CTNNA3: variants seen among roughly 807,000 people sequenced by gnomAD.
CTNNA3 encodes the protein catenin alpha 3.
CTNNA3 carries 76 observed loss-of-function variants against 95.7 expected under a neutral mutation model. That is an observed-to-expected ratio of 0.79 (90% CI 0.66 to 0.96). The LOEUF is 0.96. CTNNA3 is among the 40% of genes least tolerant of loss of function. The pLI, the probability that CTNNA3 is intolerant of heterozygous loss-of-function variation, is 0.00. For synonymous variants in CTNNA3, 431 were observed against 374.4 expected (o/e 1.15, Z -1.74); for missense variants, 1,191 against 1,089.8 (o/e 1.09, Z -1.31).
At position 67,576,429 on chromosome 10, in the gene CTNNA3, C is replaced by A. The variant is rs190683070; in HGVS notation, c.292+30428G>T. Among the ~76,000 whole-genome samples, 17 of 152,064 alleles carry A rather than the reference C, an allele frequency of 1.1e-4. No individual in the cohort carries two copies. The East Asian group carries it at 2.9e-3, about 26-fold the overall frequency. ...ATAGTTGTTAATAGTTTTCCTTACC[C>A]CCTCTACTATAATTGTTGTATAAAA... On this transcript the variant is annotated intron_variant, in intron 3 of 17. Coordinates refer to ENST00000433211, the MANE Select transcript of CTNNA3 (RefSeq NM_013266.4).
rs1039622915 is a variant in CTNNA3 at position 66,254,247 on chromosome 10, A to G, written c.1884+26223T>C. Among the ~76,000 whole-genome samples the G allele has an allele frequency of 4.6e-5, 7 of 152,214 alleles. No individual in the cohort carries two copies. The South Asian group carries it at 1.4e-3, about 32-fold the overall frequency. ...TCCTTATCTGAGGAATTTAGAAGTA[A>G]TTTGACTTCCCTATTATCAAAAGCA... On this transcript the variant is annotated intron_variant, in intron 13 of 17. Coordinates refer to ENST00000433211, the MANE Select transcript of CTNNA3 (RefSeq NM_013266.4).
intron 11 of CTNNA3, among the ~76,000 whole-genome samples, chr10:66,496,518 C>T (rs370974605): frequency 7.2e-5 from 11 of 152,178 alleles, no homozygotes; most frequent in South Asian, 4.1e-4. Context: ...AAGATTCTTA[C>T]GCAATTTCAA....
rs1220464862 is a variant in CTNNA3, at chr10:66,784,026, G to A, written c.1048-8502C>T. 2.0e-5 allele frequency among the ~76,000 whole-genome samples: 3 copies of A among 152,176 alleles called. 1 individual carries two copies. The South Asian group carries it at 6.2e-4, about 32-fold the overall frequency. On this transcript the variant is annotated intron_variant, in intron 7 of 17. Coordinates refer to ENST00000433211, the MANE Select transcript of CTNNA3 (RefSeq NM_013266.4). ...GGCTATGGAAAGTCTATGAAACTTAGAACAGATAGACTTCCACGATTCTGG... is the reference window on the plus strand; with the variant it reads ...GGCTATGGAAAGTCTATGAAACTTAAAACAGATAGACTTCCACGATTCTGG...
intron 15 of CTNNA3, among the ~76,000 whole-genome samples, chr10:66,028,059 A>G (rs1292853092): frequency 6.6e-6 from 1 of 152,194 alleles, no homozygotes; most frequent in African/African-American, 2.4e-5. Context: ...TTTTACTTAT[A>G]CTTAAATATG....
rs200809148 is a variant in CTNNA3, at chr10:67,219,814, C to T, written c.636G>A (p.Lys212=). The change falls in exon 6 of 18, where the codon AAG becomes AAA. Residue 212 remains lysine, a synonymous_variant. Transcript: ENST00000433211. ...TTGAATGCAAGAGGGGAGAGTTCTC[C>T]TTCAGTGAAGCTCGGGCTCCTGCAA... The part of the protein sequence containing the change: ...DEIAGARASL[K]ENSPLLHSIC... The T allele has an allele frequency of 5.6e-6, 9 of 1,613,588 alleles. No homozygotes were observed. Among genetic ancestry groups the T allele is most frequent in the Non-Finnish European group, 7.6e-6 (9 of 1,179,734 alleles).
At chr10:67,072,633 A>G (rs186981735) in intron 7 of CTNNA3, among the ~76,000 whole-genome samples, 1 of 152,236 alleles carries the variant, frequency 6.6e-6, no homozygotes, top group Admixed American at 6.5e-5. Flanking sequence ...CCCCTTGTTT[A>G]TCTATACTTG....
intron 6 of CTNNA3, among the ~76,000 whole-genome samples, chr10:67,214,626 C>T (rs1864271946): frequency 6.6e-6 from 1 of 151,810 alleles, no homozygotes; most frequent in Admixed American, 6.6e-5. Flanking sequence ...TTAACAATTT[C>T]TTCAGTGAAA....
At chr10:66,757,520 A>G (rs1489983840) in intron 9 of CTNNA3, among the ~76,000 whole-genome samples, 2 of 152,202 alleles carry the variant, frequency 1.3e-5, no homozygotes, top group Non-Finnish European at 2.9e-5. Flanking sequence ...GCTAAGCAAT[A>G]GCTAAGCAGT....
intron 7 of CTNNA3, among the ~76,000 whole-genome samples, chr10:66,937,943 T>C (rs1847799824): frequency 1.3e-5 from 2 of 152,072 alleles, no homozygotes; most frequent in Admixed American, 1.3e-4. Flanking sequence ...TATGTTAGAG[T>C]TATTAAGGGG....
At chr10:66,845,107 A>C (rs1214232932) in intron 7 of CTNNA3, among the ~76,000 whole-genome samples, 1 of 152,210 alleles carries the variant, frequency 6.6e-6, no homozygotes, top group Non-Finnish European at 1.5e-5. Flanking sequence ...GAAATAAGAC[A>C]TGAAAGAGGC....
At chr10:67,663,979 CCAA>C (rs1840265644) in intron 1 of CTNNA3, among the ~76,000 whole-genome samples, 1 of 152,020 alleles carries the variant, frequency 6.6e-6, no homozygotes, top group Non-Finnish European at 1.5e-5. Flanking sequence ...TTCTTTCTAC[CCAA>C]CAACTTTTTT....
chr10:67,406,618 A>G (rs940918269), intron 5 of CTNNA3, among the ~76,000 whole-genome samples: 16 of 152,106 alleles, frequency 1.1e-4, no homozygotes, highest in African/African-American at 3.9e-4. Context: ...CTTTCAAAAG[A>G]TCAAAAATCC....
At chr10:66,342,991 T>C (rs2092469030) in intron 12 of CTNNA3, among the ~76,000 whole-genome samples, 1 of 152,088 alleles carries the variant, frequency 6.6e-6, no homozygotes, top group Admixed American at 6.6e-5. Context: ...ATTTCACATA[T>C]ATGAATACTG....
At chr10:67,518,376 A>C (rs1159462834) in intron 5 of CTNNA3, among the ~76,000 whole-genome samples, 1 of 152,174 alleles carries the variant, frequency 6.6e-6, no homozygotes, top group Non-Finnish European at 1.5e-5. Flanking sequence ...CGGGCTGTAC[A>C]TTCTAAATAC....
intron 17 of CTNNA3, among the ~76,000 whole-genome samples, chr10:65,939,037 G>A (rs2133170582): frequency 6.6e-6 from 1 of 152,078 alleles, no homozygotes; most frequent in Non-Finnish European, 1.5e-5. Context: ...CAAGTAGCTG[G>A]GACTACAGGT....
At chr10:67,613,079 A>C (rs972420607) in intron 2 of CTNNA3, among the ~76,000 whole-genome samples, 1 of 152,224 alleles carries the variant, frequency 6.6e-6, no homozygotes, top group African/African-American at 2.4e-5. Flanking sequence ...TTTTGATCTC[A>C]CTGCTCACTA....
chr10:66,112,338 C>T (rs531317165), intron 13 of CTNNA3, among the ~76,000 whole-genome samples: 40 of 152,182 alleles, frequency 2.6e-4, no homozygotes, highest in African/African-American at 9.4e-4. Flanking sequence ...AGATGTATGT[C>T]TCTATTTGTC....
chr10:67,718,421 C>T (rs866867254), intron 1 of CTNNA3, among the ~76,000 whole-genome samples: 1 of 152,092 alleles, frequency 6.6e-6, no homozygotes, highest in Admixed American at 6.6e-5. Context: ...CAGCTTTTGC[C>T]CATTCAGAAT....
intron 9 of CTNNA3, among the ~76,000 whole-genome samples, chr10:66,666,071 G>A (rs929304643): frequency 3.9e-5 from 6 of 152,088 alleles, no homozygotes; most frequent in Non-Finnish European, 5.9e-5. Context: ...CATTGCAGGC[G>A]AGAAAACAGG....
Sources: allele counts gnomAD v4.1 joint callset (sites outside exome capture counted in the v4.1 genomes callset), GRCh38; gene constraint gnomAD v4.1.1; transcripts MANE v1.5; gene names NCBI Gene and HGNC (gene_info 2026-07-23, HGNC 2026-07-21).